Variants in YPEL2 observed in about 807,000 individuals in gnomAD.
The protein encoded by YPEL2 is yippee like 2.
Under a neutral mutation model 19.1 loss-of-function variants are expected in YPEL2, and 2 were observed. The ratio of observed to expected loss-of-function variants is 0.10; its 90% confidence interval spans 0.04 to 0.33. The LOEUF (loss-of-function observed/expected upper bound fraction) is 0.33. Among genes scored for constraint, YPEL2 ranks in the 10% least tolerant of loss-of-function variants. YPEL2 has a pLI of 1.00. For synonymous variants in YPEL2, 52 were observed against 50.0 expected (o/e 1.04, Z -0.17); for missense variants, 66 against 140.7 (o/e 0.47, Z 2.68).
At chr17:59,334,790 G>A (rs1360918853) in intron 1 of YPEL2, among the ~76,000 whole-genome samples, 2 of 152,160 alleles carry the variant, frequency 1.3e-5, no homozygotes, top group African/African-American at 2.4e-5. Context: ...TCAAGCGTGG[G>A]ATTTTAAAAA....
intron 2 of YPEL2, chr17:59,363,311 CTTTTTTTTTT>C (rs561707297): frequency 7.4e-6 from 1 of 135,132 alleles, no homozygotes; most frequent in Non-Finnish European, 1.6e-5. Context: ...TTTTTTTTTT[CTTTTTTTTTT>C]TTTTGAGATG....
chr17:59,365,498 G>A (rs569715723), intron 2 of YPEL2, among the ~76,000 whole-genome samples: 65 of 152,344 alleles, frequency 4.3e-4, no homozygotes, highest in Admixed American at 2.5e-3. Flanking sequence ...CAGGCGGCTG[G>A]AAGAGAAGTC....
rs927400337 is a variant in YPEL2 at position 59,332,044 on chromosome 17, G to C, written c.-196+220G>C. Among the ~76,000 whole-genome samples the C allele has an allele frequency of 2.0e-5, 3 of 151,910 alleles. No homozygotes were observed. The East Asian group carries it at 5.8e-4, about 29-fold the overall frequency. On this transcript the variant is annotated intron_variant, in intron 1 of 4. Coordinates refer to ENST00000312655, the MANE Select transcript of YPEL2 (RefSeq NM_001005404.4). ...GACCGGTTTGTTTACAAACACTGCC[G>C]GGCCCGCGGCCGCTCGCGGAGGGAG...
Position 59,385,963 on chromosome 17 carries a change from TCA to T in YPEL2, c.118-2361_118-2360del, listed in dbSNP as rs1228228989. ...GACATGGCGCACACCTTCAGGGAGC[TCA>T]CAGTCTACTGAGGGAGTGAGATAAA... On this transcript the variant is annotated intron_variant, in intron 2 of 4. Coordinates refer to ENST00000312655, the MANE Select transcript of YPEL2 (RefSeq NM_001005404.4). 5.3e-5 allele frequency among the ~76,000 whole-genome samples: 8 copies of T among 152,266 alleles called. No homozygotes were observed. The East Asian group carries it at 5.8e-4, about 11-fold the overall frequency.
At chr17:59,370,361 C>G (rs1049896285) in intron 2 of YPEL2, among the ~76,000 whole-genome samples, 1 of 152,162 alleles carries the variant, frequency 6.6e-6, no homozygotes, top group African/African-American at 2.4e-5. Flanking sequence ...CTGCGCCCAG[C>G]CAGAATTTTT....
Position 59,401,605 on chromosome 17 carries a change from T to C in YPEL2, c.*4415T>C, listed in dbSNP as rs1246209711. On this transcript the variant is annotated 3_prime_UTR_variant, in exon 5 of 5. Transcript: ENST00000312655. Reference sequence around the variant, plus strand: ...AACAAAGGTAATTGTTTTCAAATAATTTGTCTTCACCTTTTCCTGTATTTG... The same window carrying C: ...AACAAAGGTAATTGTTTTCAAATAACTTGTCTTCACCTTTTCCTGTATTTG... The C allele has an allele frequency of 1.3e-5, 2 of 152,666 alleles. No homozygotes were observed. Among genetic ancestry groups the C allele is most frequent in the Non-Finnish European group, 2.9e-5 (2 of 68,038 alleles). 9.5% of individuals were successfully genotyped at this position (152,666 alleles called of 1,614,324 possible). A position where few individuals can be genotyped will look rare whatever the true frequency, so the allele number is the denominator to read the frequency against.
chr17:59,401,307 C>CT lies in YPEL2; in HGVS notation c.*4123dup, dbSNP rs914200549. On this transcript the variant is annotated 3_prime_UTR_variant, in exon 5 of 5. Coordinates refer to ENST00000312655, the MANE Select transcript of YPEL2 (RefSeq NM_001005404.4). ...TCTAGATAGAGGAAAGAGATATTTA[C>CT]TTTTTTAAAAATTAAAATAGTTATG... 6.6e-5 allele frequency: 10 copies of CT among 152,472 alleles called. No homozygotes were observed. The highest frequency in any genetic ancestry group is 1.0e-4 in the Non-Finnish European group (7 of 68,016). 9.4% of individuals were successfully genotyped at this position (152,472 alleles called of 1,614,324 possible).
Position 59,353,820 on chromosome 17 carries a change from G to A in YPEL2, c.117+294G>A. 1 of 397,574 alleles carries A rather than the reference G, an allele frequency of 2.5e-6. No homozygotes were observed. The highest frequency in any genetic ancestry group is 2.1e-5 in the South Asian group (1 of 48,162). The allele number at this position is 397,574 out of a possible 1,614,324, so 24.6% of individuals were successfully genotyped here. On this transcript the variant is annotated intron_variant, in intron 2 of 4. Coordinates refer to ENST00000312655, the MANE Select transcript of YPEL2 (RefSeq NM_001005404.4). This position sits in a 1 kb window ranked among gnomAD's most constrained non-coding sequence, Gnocchi z 4.8. The stretch of plus-strand genomic sequence containing the variant: ...GGGATTGATGGGAGCCTTGTTCTCA[G>A]CTTGCTTGGTTTAGGTTGGCGGACG...
intron 1 of YPEL2, among the ~76,000 whole-genome samples, chr17:59,337,427 G>A (rs1228699256): frequency 6.6e-6 from 1 of 151,932 alleles, no homozygotes; most frequent in Non-Finnish European, 1.5e-5. Flanking sequence ...CTGACCTCGT[G>A]ATCCGCCCGC....
Position 59,399,589 on chromosome 17 carries a change from T to G in YPEL2, c.*2399T>G, listed in dbSNP as rs531208131. On this transcript the variant is annotated 3_prime_UTR_variant, in exon 5 of 5. Transcript: ENST00000312655. ...AGTGGGTGCAAGGCGCCATACTTGC[T>G]GTGAGAGAGCTGAGTAGAGTGTTGG... 3 of 152,250 alleles carry G rather than the reference T, an allele frequency of 2.0e-5. No homozygotes were observed. Among genetic ancestry groups the G allele is most frequent in the Admixed American group, 2.0e-4 (3 of 15,274 alleles). 9.4% of individuals were successfully genotyped at this position (152,250 alleles called of 1,614,324 possible). A position where few individuals can be genotyped will look rare whatever the true frequency, so the allele number is the denominator to read the frequency against.
intron 2 of YPEL2, among the ~76,000 whole-genome samples, chr17:59,387,311 C>CT (rs1474309884): frequency 6.6e-6 from 1 of 150,518 alleles, no homozygotes; most frequent in East Asian, 2.0e-4. Context: ...GCTGGCAGCA[C>CT]TGATCCCTGA....
At chr17:59,394,381 C>T (rs1598055733) in intron 4 of YPEL2, among the ~76,000 whole-genome samples, 2 of 146,440 alleles carry the variant, frequency 1.4e-5, no homozygotes, top group African/African-American at 2.6e-5. Context: ...GACGGGGCGG[C>T]GGGGCAGAGG....
intron 2 of YPEL2, among the ~76,000 whole-genome samples, chr17:59,375,762 T>A (rs2047917423): frequency 6.6e-6 from 1 of 152,226 alleles, no homozygotes; most frequent in East Asian, 1.9e-4. Context: ...AGCGAGAGAA[T>A]TAAATTTAGG....
chr17:59,362,610 ACT>A (rs1361694950), intron 2 of YPEL2: 1 of 152,132 alleles, frequency 6.6e-6, no homozygotes, highest in Non-Finnish European at 1.5e-5. Context: ...CTGAAAATTA[ACT>A]CTGTGGTTTG....
chr17:59,343,518 G>C (rs1015810493), intron 1 of YPEL2, among the ~76,000 whole-genome samples: 4 of 152,128 alleles, frequency 2.6e-5, no homozygotes, highest in Admixed American at 2.6e-4. Flanking sequence ...CTCTGTTAGG[G>C]TCCTACTGGA....
chr17:59,348,479 C>T (rs748917121), intron 1 of YPEL2, among the ~76,000 whole-genome samples: 12 of 152,204 alleles, frequency 7.9e-5, no homozygotes, highest in Non-Finnish European at 1.6e-4. Context: ...GGCCTGTTGG[C>T]CGGGGAGGCG....
At chr17:59,367,248 C>G (rs1396518923) in intron 2 of YPEL2, among the ~76,000 whole-genome samples, 2 of 152,136 alleles carry the variant, frequency 1.3e-5, no homozygotes, top group African/African-American at 4.8e-5. Flanking sequence ...CCTCCTGGAT[C>G]CCAGGCCTGT....
intron 2 of YPEL2, among the ~76,000 whole-genome samples, chr17:59,372,405 C>T (rs1043898362): frequency 6.6e-6 from 1 of 152,112 alleles, no homozygotes; most frequent in South Asian, 2.1e-4. Context: ...TCAAAGACTC[C>T]TTAGCTGGTT....
intron 2 of YPEL2, among the ~76,000 whole-genome samples, chr17:59,375,332 T>A (rs1193475438): frequency 6.6e-6 from 1 of 152,230 alleles, no homozygotes; most frequent in Non-Finnish European, 1.5e-5. Context: ...CTGTAATTAC[T>A]TAAATATTTC....
Sources: allele counts gnomAD v4.1 joint callset (sites outside exome capture counted in the v4.1 genomes callset), GRCh38; gene constraint gnomAD v4.1.1; non-coding constraint Gnocchi (gnomAD v3.1); transcripts MANE v1.5; gene names NCBI Gene and HGNC (gene_info 2026-07-23, HGNC 2026-07-21).